The following PABPN1 variants were observed in gnomAD, a reference collection of about 807,000 sequenced individuals.
PABPN1 encodes poly(A) binding protein nuclear 1.
A neutral mutation model predicts 33.4 loss-of-function variants in PABPN1; 5 were observed. The ratio of observed to expected loss-of-function variants is 0.15; its 90% CI spans 0.08 to 0.32. PABPN1 has a LOEUF of 0.32. PABPN1 is among the 10% of genes least tolerant of loss of function. The pLI is 1.00. For synonymous variants in PABPN1, 176 were observed against 170.6 expected, an observed-to-expected ratio of 1.03 and a Z score of -0.25; for missense variants, 312 against 425.8, an observed-to-expected ratio of 0.73 and a Z score of 2.35.
intron 6 of PABPN1, 183 bp downstream of exon 6, chr14:23,324,472 C>G: frequency 2.7e-6 from 2 of 748,356 alleles, no homozygotes; most frequent in South Asian, 3.2e-5. Flanking sequence ...GCCTCATCAT[C>G]TTTTCTGCAG....
Position 23,324,309 on chromosome 14 carries a change from T to G in PABPN1, c.881+20T>G. The G allele has an allele frequency of 6.2e-7, 1 of 1,609,598 alleles. No homozygotes were observed. The highest frequency in any genetic ancestry group is 8.5e-7 in the Non-Finnish European group (1 of 1,179,972). ...CTACAGGTCAGGATAGATGGGCTGC[T>G]CCTCTTTCCCCCGCCTCCCGTGAGC... is the stretch of plus-strand genomic sequence containing the variant. On this transcript the variant is annotated intron_variant, in intron 6 of 6. Coordinates refer to ENST00000216727, the MANE Select transcript of PABPN1 (RefSeq NM_004643.4).
Position 23,324,003 on chromosome 14 carries a change from G to C in PABPN1, c.680G>C (p.Arg227Thr). Residue 227 changes from arginine to threonine, a missense_variant, in exon 5 of 7, where the codon AGG becomes ACG. Transcript: ENST00000216727. ...GAGTTCTCAGACAAAGAGTCAGTGA[G>C]GACTTCCTTGGCCTTAGATGAGTCC... is the stretch of plus-strand genomic sequence containing the variant. ...YIEFSDKESV[R>T]TSLALDESLF... is the part of the protein sequence containing the mutation. 6.2e-7 allele frequency: 1 copy of C among 1,614,162 alleles called. No homozygotes were observed. Among genetic ancestry groups the C allele is most frequent in the Non-Finnish European group, 8.5e-7 (1 of 1,180,018 alleles).
chr14:23,325,349 T>TAAAAAAAAAAAAAAAAAAAAAAAAAATA lies in PABPN1; in HGVS notation c.*77_*78insAAAAAAAAAAAATAAAAAAAAAAAAAAA. On this transcript the variant is annotated 3_prime_UTR_variant, in exon 7 of 7. Transcript: ENST00000216727. ...AGGAAAGAAGGAAAAAAAAAAGAAT[T>TAAAAAAAAAAAAAAAAAAAAAAAAAATA]AAAAAAAAAAAAAAGAAAAACAGAA... 1 of 1,092,190 alleles carries TAAAAAAAAAAAAAAAAAAAAAAAAAATA rather than the reference T, an allele frequency of 9.2e-7. No homozygotes were observed. Among genetic ancestry groups the TAAAAAAAAAAAAAAAAAAAAAAAAAATA allele is most frequent in the Non-Finnish European group, 1.2e-6 (1 of 814,908 alleles). The allele number at this position is 1,092,190 out of a possible 1,614,324, so 67.7% of individuals were successfully genotyped here.
rs749625728 is a variant in PABPN1 at position 23,324,326 on chromosome 14, C to T, written c.881+37C>T. The T allele has an allele frequency of 7.5e-6, 12 of 1,605,242 alleles. No individual in the cohort carries two copies. In the East Asian group the frequency reaches 2.2e-4, roughly 30 times the overall value. On this transcript the variant is annotated intron_variant, in intron 6 of 6. Coordinates refer to ENST00000216727, the MANE Select transcript of PABPN1 (RefSeq NM_004643.4). ...TGGGCTGCTCCTCTTTCCCCCGCCT[C>T]CCGTGAGCCCCGTATGCTTCCTCCT...
chr14:23,322,003 G>T, intron 1 of PABPN1, 178 bp from the exon 2 acceptor site: 2 of 786,730 alleles, frequency 2.5e-6, no homozygotes, highest in Non-Finnish European at 2.0e-6. Context: ...GCTTGATTCG[G>T]GCGTCACGGT....
At chr14:23,324,446 C>T in intron 6 of PABPN1, 157 bp downstream of exon 6, 1 of 1,013,568 alleles carries the variant, frequency 9.9e-7, no homozygotes, top group Non-Finnish European at 1.5e-6. Flanking sequence ...TAGTTGCAGG[C>T]CAGGCCAGAA....
In PABPN1 at chr14:23,325,478, A is replaced by C. The variant is rs1888682495; in HGVS notation, c.*192A>C. 1.4e-6 allele frequency: 1 copy of C among 726,042 alleles called. No individual in the cohort carries two copies. The highest frequency in any genetic ancestry group is 2.2e-6 in the Non-Finnish European group (1 of 460,810). The allele number at this position is 726,042 out of a possible 1,614,324, so 45.0% of individuals were successfully genotyped here. On this transcript the variant is annotated 3_prime_UTR_variant, in exon 7 of 7. Transcript: ENST00000216727. ...TGAGGAGGGACCTGCTTTGGGGAGT[A>C]GGGGAAGGCCCAGGGAGTGGGGCAG...
chr14:23,321,527 G>A lies in PABPN1; in HGVS notation c.58G>A (p.Gly20Arg). The A allele has an allele frequency of 7.9e-7, 1 of 1,269,570 alleles. No individual in the cohort carries two copies. The highest frequency in any genetic ancestry group is 9.9e-7 in the Non-Finnish European group (1 of 1,005,152). The allele number at this position is 1,269,570 out of a possible 1,614,324, so 78.6% of individuals were successfully genotyped here. A position where few individuals can be genotyped will look rare whatever the true frequency, so the allele number is the denominator to read the frequency against. The stretch of plus-strand genomic sequence containing the variant: ...GGGGGCTGCGGGCGGTCGGGGCTCC[G>A]GGCCGGGGCGGCGGCGCCATCTTGT... ...AAGAAGGRGSGPGRRRHLVPG... is the reference protein window; with the variant it reads ...AAGAAGGRGSRPGRRRHLVPG... Residue 20 changes from glycine (G) to arginine (R), a missense_variant, in exon 1 of 7, where the codon GGG (glycine) becomes AGG (arginine). By Grantham distance (125) the Gly-to-Arg change is moderately radical. This residue lies in a region of PABPN1 where 167 missense variants were observed against 168.9 expected (regional missense o/e 0.99). Coordinates refer to ENST00000216727, the MANE Select transcript of PABPN1 (RefSeq NM_004643.4).
At chr14:23,324,979 A>AG in intron 6 of PABPN1, 1 of 447,252 alleles carries the variant, frequency 2.2e-6, no homozygotes. Context: ...CTGGATAAAA[A>AG]GGGGGTCCTT....
At chr14:23,321,923 CGG>C in intron 1 of PABPN1, 103 bp downstream of exon 1, 1 of 275,350 alleles carries the variant, frequency 3.6e-6, no homozygotes, top group Non-Finnish European at 6.4e-6. Flanking sequence ...TGGGGTTGGG[CGG>C]GGAATAACGT....
chr14:23,325,298 A>G lies in PABPN1; in HGVS notation c.*12A>G. 1 of 1,606,600 alleles carries G rather than the reference A, an allele frequency of 6.2e-7. No individual in the cohort carries two copies. Among genetic ancestry groups the G allele is most frequent in the Non-Finnish European group, 8.5e-7 (1 of 1,176,336 alleles). On this transcript the variant is annotated 3_prime_UTR_variant, in exon 7 of 7. Transcript: ENST00000216727. ...ATTCCCCTTACTAAAAAAAGTGTGT[A>G]TTAGGAGGAGAGAGAGGAAAAAAAG...
intron 1 of PABPN1, 30 bp downstream of exon 1, chr14:23,321,850 G>T: frequency 7.0e-7 from 1 of 1,437,338 alleles, no homozygotes; most frequent in Non-Finnish European, 9.2e-7. Context: ...CGAGCAGGCC[G>T]GCGGCTGGCC....
chr14:23,324,366 ACCTC>A, intron 6 of PABPN1, 77 bp downstream of exon 6: 2 of 1,519,088 alleles, frequency 1.3e-6, no homozygotes, highest in Non-Finnish European at 1.8e-6. Context: ...GGTCTGAGGA[ACCTC>A]CCTCCCCCCA....
At chr14:23,323,865 T>C in intron 4 of PABPN1, 100 bp from the exon 5 acceptor site, 1 of 1,170,462 alleles carries the variant, frequency 8.5e-7, no homozygotes, top group Non-Finnish European at 1.2e-6. Flanking sequence ...AAATAAAAAA[T>C]ATAACTGCAT....
chr14:23,324,688 G>A, intron 6 of PABPN1: 1 of 343,232 alleles, frequency 2.9e-6, no homozygotes. Context: ...ACCTCCCTTG[G>A]AAGAATACCA....
At chr14:23,321,927 G>GGCCA in intron 1 of PABPN1, 107 bp downstream of exon 1, 5 of 458,102 alleles carry the variant, frequency 1.1e-5, no homozygotes, top group Non-Finnish European at 2.0e-5. Context: ...GTTGGGCGGG[G>GGCCA]AATAACGTGG....
intron 6 of PABPN1, 153 bp downstream of exon 6, chr14:23,324,442 C>A: frequency 9.7e-7 from 1 of 1,033,350 alleles, no homozygotes; most frequent in Admixed American, 1.9e-5. Context: ...AAGGTAGTTG[C>A]AGGCCAGGCC....
chr14:23,321,754 C>A lies in PABPN1; in HGVS notation c.285C>A (p.Ser95Arg). ...GPGPGSGAPG[S>R]QEEEEEPGLV... ...GGCCTGGTTCGGGAGCCCCCGGCAG[C>A]CAAGAGGAGGAGGAGGAGCCGGGAC... The change falls in exon 1 of 7, where the codon AGC becomes AGA. Residue 95 changes from serine to arginine, a missense_variant. This residue lies in a region of PABPN1 where 167 missense variants were observed against 168.9 expected (regional missense o/e 0.99). Transcript: ENST00000216727. 6.5e-7 allele frequency: 1 copy of A among 1,539,390 alleles called. No homozygotes were observed. Among genetic ancestry groups the A allele is most frequent in the Non-Finnish European group, 8.8e-7 (1 of 1,142,812 alleles).
At chr14:23,323,308 A>G in intron 3 of PABPN1, 69 bp from the exon 4 acceptor site, 1 of 1,524,690 alleles carries the variant, frequency 6.6e-7, no homozygotes, top group Non-Finnish European at 9.1e-7. Flanking sequence ...CCCAGACCAA[A>G]GGCTCGGGAG....
Sources: gnomAD v4.1 joint callset for allele counts on GRCh38, gnomAD v4.1.1 for gene constraint, gnomAD v4.1.1 regional missense constraint, MANE v1.5 for transcripts, NCBI Gene and HGNC (gene_info 2026-07-23, HGNC 2026-07-21) for gene names.